The following MAGI2 variants were observed in gnomAD, a reference collection of about 807,000 sequenced individuals.
The protein encoded by MAGI2 is membrane-associated guanylate kinase, WW and PDZ domain-containing protein 2.
MAGI2 carries 35 observed loss-of-function variants against 133.3 expected under a neutral mutation model. The observed-to-expected ratio is 0.26, with a 90% confidence interval of 0.20 to 0.35. MAGI2 has a LOEUF of 0.35. MAGI2 is among the 10% of genes least tolerant of loss of function. The pLI, the probability that MAGI2 is intolerant of heterozygous loss-of-function variation, is 1.00. For missense variants in MAGI2, 1,636 were observed against 1,863.4 expected, an observed-to-expected ratio of 0.88 and a Z score of 2.25; for synonymous variants, 729 against 710.6, an observed-to-expected ratio of 1.03 and a Z score of -0.41.
chr7:79,342,747 AT>A (rs1840994415), intron 1 of MAGI2, among the ~76,000 whole-genome samples: 1 of 151,372 alleles, frequency 6.6e-6, no homozygotes, highest in Non-Finnish European at 1.5e-5. Context: ...TATTTTATTT[AT>A]TTATTTGTTT....
intron 2 of MAGI2, among the ~76,000 whole-genome samples, chr7:78,903,016 G>A (rs1354915551): frequency 6.6e-6 from 1 of 152,014 alleles, no homozygotes; most frequent in Non-Finnish European, 1.5e-5. Context: ...TGACCTGAGT[G>A]AAGAGTGACA....
chr7:78,051,088 G>A (rs1018971262), intron 21 of MAGI2, among the ~76,000 whole-genome samples: 3 of 152,222 alleles, frequency 2.0e-5, no homozygotes, highest in Non-Finnish European at 4.4e-5. Context: ...GGTCAGTTCT[G>A]TCACTAGCAA....
intron 6 of MAGI2, among the ~76,000 whole-genome samples, chr7:78,483,271 T>C (rs1460651528): frequency 6.6e-6 from 1 of 151,968 alleles, no homozygotes; most frequent in East Asian, 1.9e-4. Flanking sequence ...GATTTGATGA[T>C]GTCAATATTA....
At chr7:78,251,291 C>CT (rs1445828550) in intron 10 of MAGI2, 3 of 152,134 alleles carry the variant, frequency 2.0e-5, no homozygotes, top group African/African-American at 7.2e-5. Context: ...TGATGCAAGA[C>CT]TAACAGTTTC....
At chr7:79,026,087 T>C (rs760025647) in intron 1 of MAGI2, among the ~76,000 whole-genome samples, 2 of 152,212 alleles carry the variant, frequency 1.3e-5, no homozygotes, top group Non-Finnish European at 1.5e-5. Flanking sequence ...TAAAATTTCC[T>C]GAAAATTCAC....
intron 20 of MAGI2, among the ~76,000 whole-genome samples, chr7:78,083,118 A>C (rs547336452): frequency 6.6e-6 from 1 of 151,960 alleles, no homozygotes; most frequent in Non-Finnish European, 1.5e-5. Context: ...ACTTTCCGCT[A>C]TCACAATCGG....
At chr7:78,648,583 G>C (rs1320874766) in intron 2 of MAGI2, among the ~76,000 whole-genome samples, 1 of 152,164 alleles carries the variant, frequency 6.6e-6, no homozygotes, top group Non-Finnish European at 1.5e-5. Flanking sequence ...AAACATCTGG[G>C]AAGATTTTAA....
chr7:79,254,278 A>G (rs1833530555), intron 1 of MAGI2, among the ~76,000 whole-genome samples: 1 of 149,116 alleles, frequency 6.7e-6, no homozygotes, highest in South Asian at 2.2e-4. Context: ...TTAATTCTCT[A>G]TCACACGCTT....
At chr7:78,070,646 T>TATA (rs1563081877) in intron 21 of MAGI2, among the ~76,000 whole-genome samples, 2 of 73,590 alleles carry the variant, frequency 2.7e-5, no homozygotes, top group African/African-American at 8.0e-5. Flanking sequence ...ATATATATAT[T>TATA]TTTTTTTTTT....
intron 10 of MAGI2, among the ~76,000 whole-genome samples, chr7:78,235,487 T>G (rs1477022690): frequency 6.6e-6 from 1 of 152,180 alleles, no homozygotes; most frequent in African/African-American, 2.4e-5. Flanking sequence ...TCATGGGGAC[T>G]GTTACCCCCA....
In MAGI2 at chr7:78,114,401, C is replaced by A. The variant is rs572574245; in HGVS notation, c.3567+11293G>T. 9.2e-5 allele frequency among the ~76,000 whole-genome samples: 14 copies of A among 152,328 alleles called. No individual in the cohort carries two copies. The East Asian group carries it at 2.7e-3, about 29-fold the overall frequency. ...TTCCCACTGGGAAATTCTGTGCCCA[C>A]GTGACAGTCTTTGTTAAGGGAATCA... On this transcript the variant is annotated intron_variant, in intron 20 of 21. Coordinates refer to ENST00000354212, the MANE Select transcript of MAGI2 (RefSeq NM_012301.4).
At chr7:78,477,197 C>CTTAA (rs1791860537) in intron 6 of MAGI2, among the ~76,000 whole-genome samples, 1 of 151,904 alleles carries the variant, frequency 6.6e-6, no homozygotes, top group African/African-American at 2.4e-5. Context: ...CCGAGGGACA[C>CTTAA]TTAATGCCTG....
intron 1 of MAGI2, among the ~76,000 whole-genome samples, chr7:79,345,414 C>A (rs759358010): frequency 6.6e-6 from 1 of 152,036 alleles, no homozygotes; most frequent in Non-Finnish European, 1.5e-5. Flanking sequence ...TCTTGAAATT[C>A]TGTTCTCTAG....
At chr7:78,732,491 C>T (rs567416539) in intron 2 of MAGI2, among the ~76,000 whole-genome samples, 1 of 152,168 alleles carries the variant, frequency 6.6e-6, no homozygotes, top group African/African-American at 2.4e-5. Flanking sequence ...ATTACACATA[C>T]TAAATCTGCA....
At chr7:78,608,026 T>C (rs559359829) in intron 3 of MAGI2, among the ~76,000 whole-genome samples, 1 of 152,302 alleles carries the variant, frequency 6.6e-6, no homozygotes, top group East Asian at 1.9e-4. Flanking sequence ...ACACACAGCA[T>C]TGTGCCAGCA....
intron 4 of MAGI2, among the ~76,000 whole-genome samples, chr7:78,520,229 T>A (rs1407474447): frequency 6.6e-6 from 1 of 152,176 alleles, no homozygotes; most frequent in Non-Finnish European, 1.5e-5. Flanking sequence ...TTAGCACAAA[T>A]TCGATTTTTG....
At chr7:78,758,026 G>T (rs1052225080) in intron 2 of MAGI2, among the ~76,000 whole-genome samples, 3 of 152,070 alleles carry the variant, frequency 2.0e-5, no homozygotes, top group Non-Finnish European at 1.5e-5. Flanking sequence ...CCCACAGATA[G>T]CTCTCTCACT....
chr7:78,070,414 G>A (rs1563080586), intron 21 of MAGI2, among the ~76,000 whole-genome samples: 3 of 146,124 alleles, frequency 2.1e-5, no homozygotes, highest in African/African-American at 7.6e-5. Flanking sequence ...CTATGTGTGT[G>A]TGTATATATA....
intron 9 of MAGI2, among the ~76,000 whole-genome samples, chr7:78,276,377 C>T (rs923559977): frequency 8.5e-5 from 13 of 152,154 alleles, no homozygotes; most frequent in African/African-American, 2.6e-4. Context: ...ATTTATTAAC[C>T]TACTACACAT....
Sources: allele counts gnomAD v4.1 joint callset (sites outside exome capture counted in the v4.1 genomes callset), GRCh38; gene constraint gnomAD v4.1.1; transcripts MANE v1.5; gene names NCBI Gene and HGNC (gene_info 2026-07-23, HGNC 2026-07-21).